PLA2G5: variants seen among roughly 807,000 people sequenced by gnomAD.
PLA2G5 encodes Ca2+-dependent phospholipase A2.
In PLA2G5, 12 loss-of-function variants were observed where a neutral mutation model predicts 15.9. That is an observed-to-expected ratio of 0.76 (90% CI 0.48 to 1.23). PLA2G5 has a LOEUF of 1.23. Among genes scored for constraint, PLA2G5 ranks in the 50% most tolerant of loss-of-function variants. PLA2G5 has a pLI of 0.00. For missense variants in PLA2G5, 169 were observed against 177.1 expected, an observed-to-expected ratio of 0.95 and a Z score of 0.26; for synonymous variants, 71 against 71.4, an observed-to-expected ratio of 0.99 and a Z score of 0.03.
At chr1:20,029,210 C>A (rs371537672) in intron 1 of PLA2G5, among the ~76,000 whole-genome samples, 1 of 152,048 alleles carries the variant, frequency 6.6e-6, no homozygotes, top group East Asian at 1.9e-4. Flanking sequence ...TGGTTCAGGC[C>A]GCTTGGCACC....
In PLA2G5 at chr1:20,086,226, T is replaced by C; in HGVS notation, c.184T>C (p.Trp62Arg). The change falls in exon 3 of 5, where the codon TGG becomes CGG. Residue 62 changes from tryptophan to arginine, a missense_variant and splice_region_variant. Trp to Arg is a moderately radical substitution (Grantham distance 101). Transcript: ENST00000375108. ...AGGAACCCCCAAGGATGGCACCGAT[T>C]GGTGAGCTGATCGCTATAACTGCCC... ...GRGTPKDGTD[W>R]CCWAHDHCYG... 6.2e-7 allele frequency: 1 copy of C among 1,614,150 alleles called. No individual in the cohort carries two copies.
intron 1 of PLA2G5, chr1:20,070,994 CCT>C (rs149345911): frequency 2.7e-4 from 40 of 149,698 alleles, no homozygotes; most frequent in East Asian, 1.4e-3. Context: ...TCCATCTCTC[CCT>C]CTCTCTCTCT....
intron 4 of PLA2G5, 95 bp from the exon 5 acceptor site, chr1:20,090,473 C>T: frequency 7.7e-7 from 1 of 1,292,590 alleles, no homozygotes; most frequent in Non-Finnish European, 1.1e-6. Context: ...TTCCATCAGG[C>T]TGAAAGCTCC....
chr1:20,036,305 T>A (rs1167774193), intron 1 of PLA2G5, among the ~76,000 whole-genome samples: 3 of 152,186 alleles, frequency 2.0e-5, no homozygotes, highest in African/African-American at 7.2e-5. Context: ...GCCAGAAAAA[T>A]TTTCCTCAAT....
At chr1:20,057,273 C>T (rs74619779) in intron 1 of PLA2G5, among the ~76,000 whole-genome samples, 7,015 of 148,846 alleles carry the variant, frequency 0.047, 220 homozygotes, top group African/African-American at 0.084. Flanking sequence ...ATTTGCTCTC[C>T]TTTTTTTATT....
At chr1:20,087,698 AG>A (rs1211559230) in intron 3 of PLA2G5, among the ~76,000 whole-genome samples, 4 of 152,174 alleles carry the variant, frequency 2.6e-5, no homozygotes, top group Admixed American at 6.5e-5. Context: ...ATATATATAC[AG>A]GGTTCCTTGA....
chr1:20,064,874 A>G (rs2014935815), intron 2 of PLA2G5, among the ~76,000 whole-genome samples: 1 of 152,154 alleles, frequency 6.6e-6, no homozygotes, highest in South Asian at 2.1e-4. Context: ...TTAAAAATGT[A>G]AAAATCTCAG....
At chr1:20,057,547 G>A (rs2014498342) in intron 1 of PLA2G5, among the ~76,000 whole-genome samples, 1 of 152,148 alleles carries the variant, frequency 6.6e-6, no homozygotes, top group Non-Finnish European at 1.5e-5. Context: ...CACCCAGGCT[G>A]GAGTGCAGTG....
intron 1 of PLA2G5, among the ~76,000 whole-genome samples, chr1:20,071,926 G>A (rs1414836477): frequency 5.9e-5 from 9 of 152,082 alleles, no homozygotes; most frequent in Non-Finnish European, 1.0e-4. Context: ...TGGCCAACAT[G>A]GTGAAGCCCT....
Position 20,057,788 on chromosome 1 carries a change from C to T in PLA2G5, n.277-1844C>T, listed in dbSNP as rs115183084. ...TGCTGGGATTACAGGCATGAGCCAC[C>T]GCACCCTACTGCATCTTACAAATTT... On this transcript the variant is annotated intron_variant and non_coding_transcript_variant, in intron 1 of 6. Transcript: ENST00000460175. 2.0e-3 allele frequency among the ~76,000 whole-genome samples: 304 copies of T among 152,254 alleles called. 1 individual carries two copies. The highest frequency in any genetic ancestry group is 0.01 in the Middle Eastern group (3 of 294).
chr1:20,062,052 C>G (rs749751147), intron 2 of PLA2G5, among the ~76,000 whole-genome samples: 6 of 152,196 alleles, frequency 3.9e-5, no homozygotes, highest in Non-Finnish European at 2.9e-5. Flanking sequence ...CCTCTTTTCT[C>G]CATGTGATGT....
At chr1:20,029,322 C>T (rs2012757626) in intron 1 of PLA2G5, among the ~76,000 whole-genome samples, 2 of 152,154 alleles carry the variant, frequency 1.3e-5, no homozygotes, top group Admixed American at 1.3e-4. Flanking sequence ...TCTCAACGTC[C>T]AGCCACCCGT....
rs751296635 is a variant in PLA2G5 at position 20,086,100 on chromosome 1, G to A, written c.58G>A (p.Gly20Arg). 1.7e-5 allele frequency: 27 copies of A among 1,613,988 alleles called. No individual in the cohort carries two copies. Among genetic ancestry groups the A allele is most frequent in the Non-Finnish European group, 2.3e-5 (27 of 1,180,014 alleles). The change falls in exon 3 of 5, where the codon GGA becomes AGA. Residue 20 changes from glycine (G) to arginine (R), a missense_variant. Physicochemically the swap from Gly to Arg is moderately radical, Grantham distance 125. Coordinates refer to ENST00000375108, the MANE Select transcript of PLA2G5 (RefSeq NM_000929.3). The stretch of plus-strand genomic sequence containing the variant: ...TCTTCCAGGTGTGCCTGCTGTGCAA[G>A]GAGGCTTGCTGGACCTAAAATCAAT... ...FLACSVPAVQ[G>R]GLLDLKSMIE...
At chr1:20,053,544 G>A (rs2014276258) in intron 1 of PLA2G5, among the ~76,000 whole-genome samples, 1 of 121,190 alleles carries the variant, frequency 8.3e-6, no homozygotes, top group Admixed American at 1.0e-4. Context: ...TCACATCCTA[G>A]TTGATTTTAA....
At chr1:20,069,663 AAAAGAAAGAAAG>A (rs57068796), upstream of PLA2G5, among the ~76,000 whole-genome samples, 4,082 of 142,552 alleles carry the variant, frequency 0.029, 176 homozygotes, top group African/African-American at 0.091. Flanking sequence ...CTCAGCTCAG[AAAAGAAAGAAAG>A]AAAGAAAGAA....
intron 1 of PLA2G5, among the ~76,000 whole-genome samples, chr1:20,042,805 A>G (rs1473195441): frequency 6.6e-6 from 1 of 152,124 alleles, no homozygotes; most frequent in Non-Finnish European, 1.5e-5. Context: ...GTGTGTTTTT[A>G]TTAAGAATTA....
upstream of PLA2G5, among the ~76,000 whole-genome samples, chr1:20,065,454 A>G (rs1436841808): frequency 1.3e-5 from 2 of 152,116 alleles, no homozygotes; most frequent in Admixed American, 6.5e-5. Context: ...CCTGGCAACC[A>G]CTGATCTTTC....
intron 2 of PLA2G5, among the ~76,000 whole-genome samples, chr1:20,061,588 A>G (rs1324743024): frequency 7.1e-6 from 1 of 140,794 alleles, no homozygotes; most frequent in South Asian, 2.3e-4. Flanking sequence ...CCTGTCTCCA[A>G]AAAAAAAAAA....
chr1:20,033,690 C>T (rs560749509), intron 1 of PLA2G5, among the ~76,000 whole-genome samples: 5 of 152,184 alleles, frequency 3.3e-5, no homozygotes, highest in Non-Finnish European at 5.9e-5. Context: ...AGTCCAAGAG[C>T]AAGGCCTTGG....
Sources: gnomAD v4.1 joint callset for allele counts (sites outside exome capture counted in the v4.1 genomes callset) on GRCh38, gnomAD v4.1.1 for gene constraint, MANE v1.5 for transcripts, NCBI Gene and HGNC (gene_info 2026-07-23, HGNC 2026-07-21) for gene names.